The following OXR1 variants were observed in gnomAD, a reference collection of about 807,000 sequenced individuals.
OXR1 encodes oxidation resistance protein 1.
OXR1 carries 41 observed loss-of-function variants against 104.6 expected under a neutral mutation model. That is an observed-to-expected ratio of 0.39 (90% CI 0.31 to 0.51). OXR1 has a LOEUF of 0.51. OXR1 is among the 20% of genes least tolerant of loss of function. The probability of loss-of-function intolerance (pLI) is 0.77; values close to 1 mark genes in which losing one functional copy is unlikely to be tolerated. For missense variants in OXR1, 955 were observed against 1,031.9 expected, an observed-to-expected ratio of 0.93 and a Z score of 1.02; for synonymous variants, 348 against 348.4, an observed-to-expected ratio of 1.00 and a Z score of 0.01.
At chr8:106,427,072 C>G (rs149641581) in intron 2 of OXR1, among the ~76,000 whole-genome samples, 4 of 152,154 alleles carry the variant, frequency 2.6e-5, no homozygotes, top group African/African-American at 9.7e-5. Context: ...GAAGCCCAAT[C>G]AAAGACTGCA....
intron 2 of OXR1, among the ~76,000 whole-genome samples, chr8:106,425,344 A>G (rs1819071947): frequency 6.6e-6 from 1 of 151,966 alleles, no homozygotes; most frequent in South Asian, 2.1e-4. Context: ...GATTATAAGC[A>G]TGGGCCAATG....
chr8:106,455,684 T>C (rs753273595), intron 2 of OXR1, among the ~76,000 whole-genome samples: 1 of 152,218 alleles, frequency 6.6e-6, no homozygotes, highest in Non-Finnish European at 1.5e-5. Context: ...TCACCTGGCA[T>C]ACTGGGCAGA....
chr8:106,277,497 G>C lies in OXR1; in HGVS notation c.-139+7130G>C, dbSNP rs142560216. Among the ~76,000 whole-genome samples the C allele has an allele frequency of 2.0e-3, 306 of 152,278 alleles. 2 individuals are homozygous for C. In the Middle Eastern group the frequency reaches 0.024, roughly 12 times the overall value. Reference sequence around the variant, plus strand: ...ATTTATGCTTGAATTAGTTCCAACTGTTTTACTCTCAAGAATCATAAAGCC... The same window carrying C: ...ATTTATGCTTGAATTAGTTCCAACTCTTTTACTCTCAAGAATCATAAAGCC... On this transcript the variant is annotated intron_variant, in intron 1 of 16. Coordinates refer to ENST00000517566, the MANE Select transcript of OXR1 (RefSeq NM_001198533.2).
At chr8:106,419,641 C>T (rs1818823923) in intron 2 of OXR1, among the ~76,000 whole-genome samples, 1 of 152,140 alleles carries the variant, frequency 6.6e-6, no homozygotes, top group Admixed American at 6.6e-5. Flanking sequence ...CTCTGTGTTC[C>T]TCTGGATTGC....
intron 3 of OXR1, among the ~76,000 whole-genome samples, chr8:106,523,966 C>T (rs1251332282): frequency 9.9e-5 from 15 of 151,832 alleles, no homozygotes; most frequent in East Asian, 3.9e-4. Context: ...TTAGTAGAGA[C>T]GGGGTTTCAC....
intron 3 of OXR1, among the ~76,000 whole-genome samples, chr8:106,570,905 A>G (rs1420207956): frequency 6.6e-6 from 1 of 152,150 alleles, no homozygotes; most frequent in Non-Finnish European, 1.5e-5. Flanking sequence ...ACCTAAACAA[A>G]TCACCCTAGA....
chr8:106,407,341 G>A (rs571217436), intron 2 of OXR1, among the ~76,000 whole-genome samples: 1 of 152,056 alleles, frequency 6.6e-6, no homozygotes, highest in South Asian at 2.1e-4. Context: ...TCCCCAGAGG[G>A]GCATTAGAAT....
intron 3 of OXR1, among the ~76,000 whole-genome samples, chr8:106,661,435 C>T (rs866752589): frequency 6.6e-6 from 1 of 152,122 alleles, no homozygotes; most frequent in South Asian, 2.1e-4. Context: ...ACAAAGGAAA[C>T]ATCTTAAAAT....
intron 6 of OXR1, 80 bp from the exon 7 acceptor site, chr8:106,692,648 T>C: frequency 1.3e-6 from 1 of 760,404 alleles, no homozygotes; most frequent in Non-Finnish European, 2.0e-6. Context: ...GGAAAGCTAT[T>C]CATTTGACTT....
chr8:106,404,111 T>C (rs1232372242), intron 2 of OXR1, among the ~76,000 whole-genome samples: 2 of 152,112 alleles, frequency 1.3e-5, no homozygotes, highest in Non-Finnish European at 2.9e-5. Context: ...CCTCTACCAC[T>C]TGAGGTTGTT....
In OXR1 at chr8:106,296,916, A is replaced by G. The variant is rs979574118; in HGVS notation, c.-139+26549A>G. Among the ~76,000 whole-genome samples, 5 of 152,220 alleles carry G rather than the reference A, an allele frequency of 3.3e-5. No homozygotes were observed. In the South Asian group the frequency reaches 6.2e-4, roughly 19 times the overall value. ...GAACTGAATTGGTAACAGATGCTGT[A>G]TGAATATTGCTTTTCCTTGAAAAAG... On this transcript the variant is annotated intron_variant, in intron 1 of 16. Coordinates refer to ENST00000517566, the MANE Select transcript of OXR1 (RefSeq NM_001198533.2).
intron 2 of OXR1, among the ~76,000 whole-genome samples, chr8:106,505,962 A>C (rs1413798048): frequency 1.3e-5 from 2 of 152,232 alleles, no homozygotes; most frequent in Non-Finnish European, 2.9e-5. Context: ...CTAACCAGAG[A>C]GAGCAGCATG....
intron 2 of OXR1, among the ~76,000 whole-genome samples, chr8:106,383,700 A>G (rs1320895345): frequency 1.3e-5 from 2 of 152,214 alleles, no homozygotes; most frequent in Non-Finnish European, 2.9e-5. Context: ...AGATAGATAT[A>G]AGACTGGGCT....
At chr8:106,397,832 C>T (rs759145793) in intron 2 of OXR1, among the ~76,000 whole-genome samples, 1 of 152,080 alleles carries the variant, frequency 6.6e-6, no homozygotes, top group African/African-American at 2.4e-5. Context: ...CAAAGTACAA[C>T]AGAGTGGCTT....
intron 2 of OXR1, among the ~76,000 whole-genome samples, chr8:106,440,999 T>G (rs1040930421): frequency 1.3e-5 from 2 of 152,114 alleles, no homozygotes; most frequent in African/African-American, 4.8e-5. Context: ...GTTTAAAATT[T>G]TCATTGTTTT....
At chr8:106,585,408 A>G (rs3110428) in intron 3 of OXR1, among the ~76,000 whole-genome samples, 73,735 of 151,916 alleles carry the variant, frequency 0.49, 18,861 homozygotes, top group African/African-American at 0.64. Context: ...AGTCTAAACC[A>G]ACTTGCTAGG....
rs564738579 is a variant in OXR1, at chr8:106,318,566, C to T, written c.-138-40910C>T. On this transcript the variant is annotated intron_variant, in intron 1 of 16. Transcript: ENST00000517566. ...TAGATTTCAGTCTTCTTTGAAATAC[C>T]CTCTTAACACTTCTCTGCTTAGCAA... Among the ~76,000 whole-genome samples the T allele has an allele frequency of 5.3e-5, 8 of 152,266 alleles. No individual in the cohort carries two copies. The East Asian group carries it at 1.5e-3, about 29-fold the overall frequency.
chr8:106,696,961 T>C (rs1349437145), intron 7 of OXR1, among the ~76,000 whole-genome samples: 1 of 152,138 alleles, frequency 6.6e-6, no homozygotes, highest in African/African-American at 2.4e-5. Context: ...CACAGGCTCC[T>C]CCCTATAAAT....
intron 11 of OXR1, among the ~76,000 whole-genome samples, chr8:106,736,602 A>G (rs1411570511): frequency 7.2e-5 from 11 of 152,164 alleles, no homozygotes; most frequent in African/African-American, 2.4e-4. Flanking sequence ...CTGTTTTTAG[A>G]ATTATGTCAT....
Sources: gnomAD v4.1 joint callset for allele counts (sites outside exome capture counted in the v4.1 genomes callset) on GRCh38, gnomAD v4.1.1 for gene constraint, MANE v1.5 for transcripts, NCBI Gene and HGNC (gene_info 2026-07-23, HGNC 2026-07-21) for gene names.